Variants in MOSMO observed in about 807,000 individuals in gnomAD.
MOSMO encodes modulator of smoothened protein.
MOSMO carries 5 observed loss-of-function variants against 18.4 expected under a neutral mutation model. The ratio of observed to expected loss-of-function variants is 0.27; its 90% CI spans 0.14 to 0.57. The LOEUF is 0.57. Ranked by LOEUF, MOSMO falls within the 20% of genes least tolerant of loss-of-function variation. The probability of loss-of-function intolerance (pLI) is 0.92; values close to 1 mark genes in which losing one functional copy is unlikely to be tolerated. For synonymous variants in MOSMO, 82 were observed against 82.3 expected, an observed-to-expected ratio of 1.00 and a Z score of 0.02; for missense variants, 138 against 211.8, an observed-to-expected ratio of 0.65 and a Z score of 2.16.
In MOSMO at chr16:22,082,788, A is replaced by G. The variant is rs1174937184; in HGVS notation, c.*1908A>G. On this transcript the variant is annotated 3_prime_UTR_variant, in exon 3 of 3. Coordinates refer to ENST00000542527, the MANE Select transcript of MOSMO (RefSeq NM_001164579.2). Reference sequence around the variant, plus strand: ...CCCCAGTGTTTGAGCTCACTCAGGAATTGGGGAGAGAGATGGACCACCACT... The same window carrying G: ...CCCCAGTGTTTGAGCTCACTCAGGAGTTGGGGAGAGAGATGGACCACCACT... 3.9e-5 allele frequency: 6 copies of G among 152,184 alleles called. No individual in the cohort carries two copies. The highest frequency in any genetic ancestry group is 3.9e-4 in the Admixed American group (6 of 15,270). 9.4% of individuals were successfully genotyped at this position (152,184 alleles called of 1,614,324 possible). A position where few individuals can be genotyped will look rare whatever the true frequency, so the allele number is the denominator to read the frequency against.
chr16:22,077,396 C>T (rs1311593291), intron 2 of MOSMO, among the ~76,000 whole-genome samples: 3 of 152,110 alleles, frequency 2.0e-5, no homozygotes, highest in Non-Finnish European at 4.4e-5. Flanking sequence ...AATAATTTAA[C>T]TTTTTGAAAT....
At chr16:22,049,924 A>T (rs188458954) in intron 1 of MOSMO, among the ~76,000 whole-genome samples, 3 of 152,208 alleles carry the variant, frequency 2.0e-5, no homozygotes, top group Admixed American at 2.0e-4. Flanking sequence ...CGTATTGTTG[A>T]TTGATGTATC....
At chr16:22,077,134 A>G (rs1000583354) in intron 2 of MOSMO, among the ~76,000 whole-genome samples, 1 of 152,224 alleles carries the variant, frequency 6.6e-6, no homozygotes, top group Non-Finnish European at 1.5e-5. Context: ...GTGAAATAAT[A>G]TCAAAGAAGG....
At chr16:22,047,368 C>T (rs898621082) in intron 1 of MOSMO, among the ~76,000 whole-genome samples, 5 of 151,580 alleles carry the variant, frequency 3.3e-5, no homozygotes, top group African/African-American at 7.3e-5. Context: ...TCTCAGCCTC[C>T]GGAGTAGCTG....
intron 1 of MOSMO, chr16:22,064,318 A>G: frequency 2.2e-6 from 1 of 456,380 alleles, no homozygotes; most frequent in Non-Finnish European, 4.4e-6. Context: ...ACCAAATTTA[A>G]CTTTCATTCT....
intron 1 of MOSMO, among the ~76,000 whole-genome samples, chr16:22,021,643 C>G (rs1353583537): frequency 6.6e-6 from 1 of 151,850 alleles, no homozygotes; most frequent in East Asian, 1.9e-4. Flanking sequence ...ACAAAAAATA[C>G]AAAAATTAAC....
chr16:22,060,048 A>G (rs1006096095), intron 1 of MOSMO, among the ~76,000 whole-genome samples: 1 of 152,142 alleles, frequency 6.6e-6, no homozygotes, highest in African/African-American at 2.4e-5. Flanking sequence ...GTGGTGGCAC[A>G]TGTCTGTGGT....
intron 1 of MOSMO, among the ~76,000 whole-genome samples, chr16:22,043,519 C>T (rs1409468628): frequency 6.6e-6 from 1 of 152,124 alleles, no homozygotes; most frequent in African/African-American, 2.4e-5. Context: ...TTATTCTAGC[C>T]ATTTTGCTAG....
At chr16:22,015,924 T>A (rs1899627285) in intron 1 of MOSMO, among the ~76,000 whole-genome samples, 1 of 152,120 alleles carries the variant, frequency 6.6e-6, no homozygotes, top group Non-Finnish European at 1.5e-5. Context: ...AGAAAAAAAA[T>A]TAGAGTAAAG....
At chr16:22,068,783 G>T (rs1900794109) in intron 1 of MOSMO, among the ~76,000 whole-genome samples, 1 of 151,976 alleles carries the variant, frequency 6.6e-6, no homozygotes, top group African/African-American at 2.4e-5. Context: ...CATTTGTATT[G>T]CTTCTACTTT....
At position 22,008,258 on chromosome 16, in the gene MOSMO, C is replaced by T; in HGVS notation, c.-44C>T. ...CCATGGGGCGGGAGGCGTGAGGCCG[C>T]TGCCTGTCCGGGGCTCGGGGGGTGG... On this transcript the variant is annotated 5_prime_UTR_variant, in exon 1 of 3. Coordinates refer to ENST00000542527, the MANE Select transcript of MOSMO (RefSeq NM_001164579.2). 2.3e-6 allele frequency: 3 copies of T among 1,322,886 alleles called. No individual in the cohort carries two copies. The highest frequency in any genetic ancestry group is 2.0e-6 in the Non-Finnish European group (2 of 998,078). The allele number at this position is 1,322,886 out of a possible 1,614,324, so 81.9% of individuals were successfully genotyped here. A position where few individuals can be genotyped will look rare whatever the true frequency, so the allele number is the denominator to read the frequency against.
chr16:22,041,692 T>A (rs77374043), intron 1 of MOSMO, among the ~76,000 whole-genome samples: 13 of 152,172 alleles, frequency 8.5e-5, no homozygotes, highest in African/African-American at 3.1e-4. Context: ...TTTTTTTTTT[T>A]ATTTTGGAGA....
At chr16:22,089,662 T>C (rs901803376), downstream of MOSMO, among the ~76,000 whole-genome samples, 1 of 117,794 alleles carries the variant, frequency 8.5e-6, no homozygotes, top group Admixed American at 1.2e-4. Context: ...TCTGTCTACA[T>C]GTTACTGCTG....
intron 1 of MOSMO, among the ~76,000 whole-genome samples, chr16:22,013,428 G>A (rs1004868020): frequency 2.6e-5 from 4 of 152,096 alleles, no homozygotes; most frequent in African/African-American, 9.7e-5. Context: ...AGGAGACTTG[G>A]GGGTCTTTGC....
chr16:22,054,145 G>C (rs1181254704), intron 1 of MOSMO, among the ~76,000 whole-genome samples: 1 of 151,810 alleles, frequency 6.6e-6, no homozygotes, highest in Non-Finnish European at 1.5e-5. Context: ...GCCCAGGCTA[G>C]AGTGCAGTGG....
intron 1 of MOSMO, among the ~76,000 whole-genome samples, chr16:22,064,929 T>C (rs1761662074): frequency 6.6e-6 from 1 of 152,208 alleles, no homozygotes; most frequent in African/African-American, 2.4e-5. Context: ...TTAAACATTG[T>C]GGTAAGCTTT....
chr16:22,044,096 C>T (rs1410081725), intron 1 of MOSMO, among the ~76,000 whole-genome samples: 3 of 152,080 alleles, frequency 2.0e-5, no homozygotes, highest in Non-Finnish European at 2.9e-5. Context: ...GGGAACCCCC[C>T]GCCCCCATGA....
In MOSMO at chr16:22,081,518, A is replaced by G. The variant is rs1901081460; in HGVS notation, c.*638A>G. 2.1e-5 allele frequency: 2 copies of G among 96,944 alleles called. No homozygotes were observed. The highest frequency in any genetic ancestry group is 7.2e-4 in the South Asian group (2 of 2,762). The allele number at this position is 96,944 out of a possible 1,614,324, so 6.0% of individuals were successfully genotyped here. A position where few individuals can be genotyped will look rare whatever the true frequency, so the allele number is the denominator to read the frequency against. ...CAAAAAAAAAAAAAAATCAAACACT[A>G]AGACACATGTTTTGGGTGGGTGGGT... On this transcript the variant is annotated 3_prime_UTR_variant, in exon 3 of 3. Transcript: ENST00000542527.
At chr16:22,034,756 T>G (rs1167684692) in intron 1 of MOSMO, among the ~76,000 whole-genome samples, 4 of 140,462 alleles carry the variant, frequency 2.8e-5, no homozygotes, top group East Asian at 2.0e-4. Flanking sequence ...TTTTTTTTTT[T>G]TTTTTTTTTT....
Sources: allele counts gnomAD v4.1 joint callset (sites outside exome capture counted in the v4.1 genomes callset), GRCh38; gene constraint gnomAD v4.1.1; transcripts MANE v1.5; gene names NCBI Gene and HGNC (gene_info 2026-07-23, HGNC 2026-07-21).